E2F6: variants seen among roughly 807,000 people sequenced by gnomAD.
E2F6 encodes E2F transcription factor 6, also known as transcription factor E2F6.
In E2F6, 19 loss-of-function variants were observed where a neutral mutation model predicts 31.5. The ratio of observed to expected loss-of-function variants is 0.60; its 90% CI spans 0.42 to 0.89. The LOEUF is 0.89. Ranked by LOEUF, E2F6 falls within the 40% of genes least tolerant of loss-of-function variation. E2F6 has a pLI of 0.00. For missense variants in E2F6, 269 were observed against 341.6 expected, an observed-to-expected ratio of 0.79 and a Z score of 1.67; for synonymous variants, 121 against 127.7, an observed-to-expected ratio of 0.95 and a Z score of 0.36.
chr2:11,457,883 T>C (rs543838669), intron 1 of E2F6, among the ~76,000 whole-genome samples: 123 of 152,290 alleles, frequency 8.1e-4, no homozygotes, highest in Non-Finnish European at 1.5e-3. Flanking sequence ...TGGAAAACAA[T>C]GCATGCTGTG....
At chr2:11,447,601 A>G in intron 6 of E2F6, 26 bp downstream of exon 6, 2 of 1,605,726 alleles carry the variant, frequency 1.2e-6, no homozygotes, top group Non-Finnish European at 1.7e-6. Flanking sequence ...TAATTAAAAT[A>G]CTGTCAGAAT....
At chr2:11,458,737 T>A (rs1050563659) in intron 1 of E2F6, among the ~76,000 whole-genome samples, 4 of 152,222 alleles carry the variant, frequency 2.6e-5, no homozygotes, top group African/African-American at 9.6e-5. Flanking sequence ...TTCCTTATCA[T>A]CTATGACAAG....
chr2:11,451,846 G>T (rs762612455), intron 3 of E2F6, 40 bp from the exon 4 acceptor site: 8 of 1,568,754 alleles, frequency 5.1e-6, no homozygotes, highest in Admixed American at 1.9e-5. Context: ...TACCAACTAG[G>T]AGATAACAAA....
chr2:11,465,901 C>G lies in E2F6; in HGVS notation c.-22G>C. 1 of 1,523,728 alleles carries G rather than the reference C, an allele frequency of 6.6e-7. No homozygotes were observed. The highest frequency in any genetic ancestry group is 8.8e-7 in the Non-Finnish European group (1 of 1,132,716). The allele number at this position is 1,523,728 out of a possible 1,614,324, so 94.4% of individuals were successfully genotyped here. ...TCATGCTGCCCGGCCGGGCGTCCTG[C>G]TCCCCTCGCACCCCACGAGCTCTCC... On this transcript the variant is annotated 5_prime_UTR_variant, in exon 1 of 7. Coordinates refer to ENST00000381525, the MANE Select transcript of E2F6 (RefSeq NM_198256.4).
intron 4 of E2F6, among the ~76,000 whole-genome samples, chr2:11,451,025 A>G (rs1468307105): frequency 6.6e-6 from 1 of 152,102 alleles, no homozygotes; most frequent in African/African-American, 2.4e-5. Context: ...AACTGCTACT[A>G]AGCAACAACG....
Position 11,466,129 on chromosome 2 carries a change from C to T in E2F6, c.-250G>A, listed in dbSNP as rs1308648638. The T allele has an allele frequency of 1.3e-5, 6 of 463,920 alleles. No homozygotes were observed. The South Asian group carries it at 1.6e-4, about 12-fold the overall frequency. The allele number at this position is 463,920 out of a possible 1,614,324, so 28.7% of individuals were successfully genotyped here. A position where few individuals can be genotyped will look rare whatever the true frequency, so the allele number is the denominator to read the frequency against. ...GGAGACCCGCGGATCTCAAGTCGCC[C>T]GGCCCGCCATCTTCCCGCATGCGCA... On this transcript the variant is annotated 5_prime_UTR_variant, in exon 1 of 7. Transcript: ENST00000381525.
intron 2 of E2F6, chr2:11,456,895 CTAAGA>C (rs1281182744): frequency 4.4e-5 from 16 of 364,152 alleles, no homozygotes; most frequent in Non-Finnish European, 9.9e-6. Flanking sequence ...AAACATTAAC[CTAAGA>C]TAAGGGACAA....
rs1670971962 is a variant in E2F6, at chr2:11,450,135, C to T, written c.537-9G>A. ...AGGTCACATATGCTAGTGTAAAACTCAGTCAAGGATCTCTACACAGAATGC... is the reference window on the plus strand; with the variant it reads ...AGGTCACATATGCTAGTGTAAAACTTAGTCAAGGATCTCTACACAGAATGC... On this transcript the variant is annotated splice_polypyrimidine_tract_variant and intron_variant, in intron 4 of 6. Coordinates refer to ENST00000381525, the MANE Select transcript of E2F6 (RefSeq NM_198256.4). 3 of 1,583,028 alleles carry T rather than the reference C, an allele frequency of 1.9e-6. No homozygotes were observed. The highest frequency in any genetic ancestry group is 2.2e-5 in the East Asian group (1 of 44,548).
rs895205971 is a variant in E2F6, at chr2:11,466,024, G to A, written c.-145C>T. 18 of 681,882 alleles carry A rather than the reference G, an allele frequency of 2.6e-5. No individual in the cohort carries two copies. The highest frequency in any genetic ancestry group is 3.6e-5 in the Non-Finnish European group (16 of 440,640). The allele number at this position is 681,882 out of a possible 1,614,324, so 42.2% of individuals were successfully genotyped here. A position where few individuals can be genotyped will look rare whatever the true frequency, so the allele number is the denominator to read the frequency against. On this transcript the variant is annotated 5_prime_UTR_variant, in exon 1 of 7. Transcript: ENST00000381525. ...GCGGCTTCCTCCGAGGCGCCGCCCG[G>A]CTAGGCCGTCCCGCCCGCCAGTAAA...
At position 11,453,488 on chromosome 2, in the gene E2F6, T is replaced by G. The variant is rs574721597; in HGVS notation, c.380+94A>C. 1.6e-5 allele frequency: 19 copies of G among 1,169,428 alleles called. 1 individual carries two copies. The South Asian group carries it at 2.2e-4, about 14-fold the overall frequency. The allele number at this position is 1,169,428 out of a possible 1,614,324, so 72.4% of individuals were successfully genotyped here. On this transcript the variant is annotated intron_variant, in intron 3 of 6. Coordinates refer to ENST00000381525, the MANE Select transcript of E2F6 (RefSeq NM_198256.4). ...AACAAGAAGTCGTACCTTTGTATTA[T>G]ATTGTCAAAACACTGCCACTATCTA... is the stretch of plus-strand genomic sequence containing the variant.
chr2:11,452,727 A>T (rs1671149191), intron 3 of E2F6, among the ~76,000 whole-genome samples: 1 of 152,240 alleles, frequency 6.6e-6, no homozygotes, highest in Non-Finnish European at 1.5e-5. Context: ...AAATAGGGAA[A>T]GGTCCTTGCC....
chr2:11,448,912 G>A (rs1041083322), intron 5 of E2F6, among the ~76,000 whole-genome samples: 1 of 152,140 alleles, frequency 6.6e-6, no homozygotes, highest in Non-Finnish European at 1.5e-5. Flanking sequence ...CTGACCTGAG[G>A]GCCAGTTTGC....
intron 6 of E2F6, among the ~76,000 whole-genome samples, 187 bp from the exon 7 acceptor site, chr2:11,446,710 G>C (rs1430708545): frequency 6.6e-6 from 1 of 152,170 alleles, no homozygotes; most frequent in African/African-American, 2.4e-5. Context: ...GAATAAACTG[G>C]AACTCTAACT....
chr2:11,465,627 G>A (rs1672124267), intron 1 of E2F6, 145 bp downstream of exon 1: 2 of 737,604 alleles, frequency 2.7e-6, no homozygotes, highest in African/African-American at 1.8e-5. Context: ...GCGGGAGAGC[G>A]CAGTTCGCAG....
rs1359701012 is a variant in E2F6 at position 11,451,742 on chromosome 2, C to T, written c.445G>A (p.Asp149Asn). 1.9e-6 allele frequency: 3 copies of T among 1,609,098 alleles called. No individual in the cohort carries two copies. Among genetic ancestry groups the T allele is most frequent in the Non-Finnish European group, 2.5e-6 (3 of 1,177,100 alleles). Reference protein sequence around the residue: ...QQKKLQEELSDLSAMEDALDE... With the variant: ...QQKKLQEELSNLSAMEDALDE... The stretch of plus-strand genomic sequence containing the variant: ...AAAGCATCTTCCATTGCTGATAAGT[C>T]AGAAAGTTCCTCCTGTAGCTTCTTT... The change falls in exon 4 of 7, where the codon GAC becomes AAC. Residue 149 changes from aspartate (D) to asparagine (N), a missense_variant. Transcript: ENST00000381525.
chr2:11,464,854 A>G (rs10192676), intron 1 of E2F6, among the ~76,000 whole-genome samples: 102,299 of 152,054 alleles, frequency 0.67, 35,129 homozygotes, highest in African/African-American at 0.81. Context: ...TTGGTAGGGG[A>G]ACCAGGCATA....
Position 11,450,140 on chromosome 2 carries a change from A to C in E2F6, c.537-14T>G. On this transcript the variant is annotated splice_polypyrimidine_tract_variant and intron_variant, in intron 4 of 6. Transcript: ENST00000381525. ...ACATATGCTAGTGTAAAACTCAGTCAAGGATCTCTACACAGAATGCTGTTT... is the reference window on the plus strand; with the variant it reads ...ACATATGCTAGTGTAAAACTCAGTCCAGGATCTCTACACAGAATGCTGTTT... The C allele has an allele frequency of 6.4e-7, 1 of 1,562,088 alleles. No homozygotes were observed. The highest frequency in any genetic ancestry group is 2.3e-5 in the East Asian group (1 of 44,388).
At chr2:11,447,067 T>C (rs79622578) in intron 6 of E2F6, among the ~76,000 whole-genome samples, 3,353 of 152,292 alleles carry the variant, frequency 0.022, 52 homozygotes, top group African/African-American at 0.045. Context: ...AGGATGCTGG[T>C]CCCCTGCTCA....
chr2:11,463,948 C>CGGGCGGGG (rs1553336588), intron 1 of E2F6, among the ~76,000 whole-genome samples: 1 of 71,626 alleles, frequency 1.4e-5, no homozygotes, highest in Non-Finnish European at 2.9e-5. Context: ...GATCCTGCAC[C>CGGGCGGGG]GGGGGGGGGG....
Sources: allele counts gnomAD v4.1 joint callset (sites outside exome capture counted in the v4.1 genomes callset), GRCh38; gene constraint gnomAD v4.1.1; transcripts MANE v1.5; gene names NCBI Gene and HGNC (gene_info 2026-07-23, HGNC 2026-07-21).